The following INTS3 variants were observed in gnomAD, a reference collection of about 807,000 sequenced individuals.
INTS3 encodes the protein SOSS complex subunit A.
Under a neutral mutation model 146.3 loss-of-function variants are expected in INTS3, and 34 were observed. The ratio of observed to expected loss-of-function variants is 0.23; its 90% CI spans 0.18 to 0.31. The LOEUF (loss-of-function observed/expected upper bound fraction) is 0.31, where lower values mean the gene tolerates loss of function less well. INTS3 is among the 10% of genes least tolerant of loss of function. The pLI is 1.00. For synonymous variants in INTS3, 475 were observed against 494.9 expected (o/e 0.96, Z 0.53); for missense variants, 757 against 1,304.2 (o/e 0.58, Z 6.46).
Position 153,760,390 on chromosome 1 carries a change from C to T in INTS3, c.1317C>T (p.Arg439=), listed in dbSNP as rs537117097. 2.9e-5 allele frequency: 46 copies of T among 1,612,728 alleles called. No homozygotes were observed. Among genetic ancestry groups the T allele is most frequent in the South Asian group, 1.8e-4 (16 of 91,036 alleles). Residue 439 remains arginine (R), a splice_region_variant and synonymous_variant, in exon 12 of 30, where the codon CGC becomes CGT. Coordinates refer to ENST00000318967, the MANE Select transcript of INTS3 (RefSeq NM_023015.5). The part of the protein sequence containing the change: ...ITATLLDFMC[R]IIPNFYPPLE... ...CCACACTCCTGGACTTCATGTGCCG[C>T]GTAAGTGTTAGAGCTCTCTTTTCTC...
At chr1:153,748,825 G>T in intron 6 of INTS3, 70 bp downstream of exon 6, 1 of 1,241,296 alleles carries the variant, frequency 8.1e-7, no homozygotes, top group Non-Finnish European at 1.2e-6. Context: ...GTGGGAAATG[G>T]GGATGAAAGG....
chr1:153,754,369 C>T (rs1557999954), intron 8 of INTS3, among the ~76,000 whole-genome samples: 1 of 152,110 alleles, frequency 6.6e-6, no homozygotes, highest in African/African-American at 2.4e-5. Flanking sequence ...CCATCTGTTA[C>T]CAGTGGGAAT....
intron 1 of INTS3, 112 bp from the exon 2 acceptor site, chr1:153,740,539 C>A: frequency 3.9e-6 from 3 of 765,490 alleles, no homozygotes; most frequent in Non-Finnish European, 6.9e-6. Context: ...AGTAAACTGG[C>A]AGCTAGATCA....
Position 153,764,971 on chromosome 1 carries a change from C to T in INTS3, c.1998C>T (p.Asn666=), listed in dbSNP as rs1474673309. The T allele has an allele frequency of 1.2e-5, 19 of 1,614,026 alleles. No homozygotes were observed. Among genetic ancestry groups the T allele is most frequent in the Non-Finnish European group, 1.4e-5 (17 of 1,179,992 alleles). Residue 666 remains asparagine (N), a synonymous_variant, in exon 20 of 30, where the codon AAC becomes AAT. Coordinates refer to ENST00000318967, the MANE Select transcript of INTS3 (RefSeq NM_023015.5). ...FRNLCQMQED[N]SSFSLLLDLL... Reference sequence around the variant, plus strand: ...ACCTATGTCAGATGCAGGAAGACAACAGCAGCTTCTCTCTACTTCTAGACC... The same window carrying T: ...ACCTATGTCAGATGCAGGAAGACAATAGCAGCTTCTCTCTACTTCTAGACC...
In INTS3 at chr1:153,737,624, A is replaced by G. The variant is rs948124306; in HGVS notation, c.151-3027A>G. 1.9e-3 allele frequency among the ~76,000 whole-genome samples: 286 copies of G among 152,152 alleles called. 4 individuals are homozygous for G. The highest frequency in any genetic ancestry group is 4.7e-4 in the Non-Finnish European group (32 of 67,986). ...GGCGATTCCTCTGCCTCAGCCTTCC[A>G]AGAGGCTAGGACTACAGGTGCGCGC... is the stretch of plus-strand genomic sequence containing the variant. On this transcript the variant is annotated intron_variant, in intron 1 of 29. Coordinates refer to ENST00000318967, the MANE Select transcript of INTS3 (RefSeq NM_023015.5).
chr1:153,769,702 C>A, intron 22 of INTS3, 67 bp from the exon 23 acceptor site: 1 of 1,051,428 alleles, frequency 9.5e-7, no homozygotes, highest in Non-Finnish European at 1.5e-6. Context: ...CCTGCGTCCC[C>A]CTCCATACTA....
Position 153,728,144 on chromosome 1 carries a change from C to A in INTS3, c.-491C>A. 1 of 396,282 alleles carries A rather than the reference C, an allele frequency of 2.5e-6. No homozygotes were observed. The highest frequency in any genetic ancestry group is 4.4e-6 in the Non-Finnish European group (1 of 225,008). The allele number at this position is 396,282 out of a possible 1,614,324, so 24.5% of individuals were successfully genotyped here. A position where few individuals can be genotyped will look rare whatever the true frequency, so the allele number is the denominator to read the frequency against. On this transcript the variant is annotated 5_prime_UTR_variant, in exon 1 of 30. Transcript: ENST00000318967. ...TCCTCCCATAGCGCTTATTGCCTCACCCTCACCCCCTAGGGGCCGGATCCA... is the reference window on the plus strand; with the variant it reads ...TCCTCCCATAGCGCTTATTGCCTCAACCTCACCCCCTAGGGGCCGGATCCA...
intron 10 of INTS3, among the ~76,000 whole-genome samples, chr1:153,759,274 G>GAA (rs11296120): frequency 5.6e-4 from 80 of 143,428 alleles, no homozygotes; most frequent in African/African-American, 1.8e-3. Flanking sequence ...ACCCTGTCTG[G>GAA]AAAAAAAAAA....
chr1:153,752,363 A>G lies in INTS3; in HGVS notation c.814A>G (p.Lys272Glu), dbSNP rs1431033560. ...GATACCAGAATTTGAACTGCTTTGG[A>G]AAGATATTATCCATAATCCTCAGGC... ...ARIPEFELLW[K>E]DIIHNPQALS... The change falls in exon 8 of 30, where the codon AAA becomes GAA. Residue 272 changes from lysine (K) to glutamate (E), a missense_variant. Coordinates refer to ENST00000318967, the MANE Select transcript of INTS3 (RefSeq NM_023015.5). 2 of 1,613,730 alleles carry G rather than the reference A, an allele frequency of 1.2e-6. No homozygotes were observed.
chr1:153,764,387 G>T (rs889251557), intron 18 of INTS3, among the ~76,000 whole-genome samples, 166 bp downstream of exon 18: 10 of 152,206 alleles, frequency 6.6e-5, no homozygotes, highest in African/African-American at 2.4e-4. Flanking sequence ...TCTACCTGCT[G>T]AACACCGTGC....
chr1:153,737,160 T>C (rs182610663), intron 1 of INTS3, among the ~76,000 whole-genome samples: 1 of 152,378 alleles, frequency 6.6e-6, no homozygotes, highest in East Asian at 1.9e-4. Context: ...TGTGTGGTGA[T>C]GACCTCTAAG....
intron 21 of INTS3, 62 bp downstream of exon 21, chr1:153,767,889 C>A: frequency 6.7e-7 from 1 of 1,493,830 alleles, no homozygotes; most frequent in Non-Finnish European, 9.0e-7. Flanking sequence ...AGTGAACACT[C>A]TGAGTACACA....
At position 153,764,962 on chromosome 1, in the gene INTS3, G is replaced by A. The variant is rs1672521823; in HGVS notation, c.1989G>A (p.Gln663=). 6.2e-7 allele frequency: 1 copy of A among 1,614,132 alleles called. No homozygotes were observed. The highest frequency in any genetic ancestry group is 8.5e-7 in the Non-Finnish European group (1 of 1,179,998). ...CCTCCAGGAACCTATGTCAGATGCA[G>A]GAAGACAACAGCAGCTTCTCTCTAC... ...YLIFRNLCQM[Q]EDNSSFSLLL... The change falls in exon 20 of 30, where the codon CAG becomes CAA. Residue 663 remains glutamine (Q), a synonymous_variant. Transcript: ENST00000318967.
chr1:153,729,914 C>T (rs1671002320), intron 1 of INTS3, among the ~76,000 whole-genome samples: 1 of 150,946 alleles, frequency 6.6e-6, no homozygotes, highest in Admixed American at 6.6e-5. Flanking sequence ...GACGTGATTG[C>T]TTAACTGTTT....
rs762393513 is a variant in INTS3, at chr1:153,767,839, C to T, written c.2244+12C>T. ...CCATCTACACAGAGGTCAGTGCCTG[C>T]ATCCGTATCTGTGCCGGGGGGCTCA... On this transcript the variant is annotated intron_variant, in intron 21 of 29. Transcript: ENST00000318967. 6.3e-7 allele frequency: 1 copy of T among 1,596,102 alleles called. No homozygotes were observed. The highest frequency in any genetic ancestry group is 1.1e-5 in the South Asian group (1 of 89,750).
At chr1:153,747,138 C>T in intron 4 of INTS3, 68 bp downstream of exon 4, 6 of 1,351,454 alleles carry the variant, frequency 4.4e-6, no homozygotes, top group African/African-American at 2.9e-5. Flanking sequence ...CTGTCAGGAA[C>T]GGGAAAGAGG....
At chr1:153,746,798 T>G in intron 3 of INTS3, 159 bp from the exon 4 acceptor site, 1 of 590,456 alleles carries the variant, frequency 1.7e-6, no homozygotes, top group Non-Finnish European at 3.0e-6. Context: ...AGGACCCCTG[T>G]GGAAAGAAAG....
chr1:153,769,901 CT>C (rs769390860), intron 23 of INTS3, 57 bp downstream of exon 23: 3 of 1,250,348 alleles, frequency 2.4e-6, no homozygotes, highest in Non-Finnish European at 3.5e-6. Flanking sequence ...GGTGTCAGTC[CT>C]GTGTATTTTA....
chr1:153,773,593 C>A lies in INTS3; in HGVS notation c.*323C>A. The A allele has an allele frequency of 2.3e-6, 1 of 444,086 alleles. No individual in the cohort carries two copies. Among genetic ancestry groups the A allele is most frequent in the Non-Finnish European group, 4.2e-6 (1 of 238,128 alleles). The allele number at this position is 444,086 out of a possible 1,614,324, so 27.5% of individuals were successfully genotyped here. A position where few individuals can be genotyped will look rare whatever the true frequency, so the allele number is the denominator to read the frequency against. The stretch of plus-strand genomic sequence containing the variant: ...CTGGCCCCTTCCGCAATCTCCTCCC[C>A]CAGTCTCCCAAAGAGCCATTTCAAC... On this transcript the variant is annotated 3_prime_UTR_variant, in exon 30 of 30. Coordinates refer to ENST00000318967, the MANE Select transcript of INTS3 (RefSeq NM_023015.5).
Sources: gnomAD v4.1 joint callset for allele counts (sites outside exome capture counted in the v4.1 genomes callset) on GRCh38, gnomAD v4.1.1 for gene constraint, MANE v1.5 for transcripts, NCBI Gene and HGNC (gene_info 2026-07-23, HGNC 2026-07-21) for gene names.